Variants in CHST1 observed in about 807,000 individuals in gnomAD.
CHST1 encodes the protein carbohydrate sulfotransferase 1.
A neutral mutation model predicts 22.5 loss-of-function variants in CHST1; 10 were observed. That is an observed-to-expected ratio of 0.44 (90% CI 0.27 to 0.75). The LOEUF is 0.75. Among genes scored for constraint, CHST1 ranks in the 30% least tolerant of loss-of-function variants. CHST1 has a pLI of 0.15. For missense variants in CHST1, 439 were observed against 576.1 expected (o/e 0.76, Z 2.44); for synonymous variants, 267 against 264.5 (o/e 1.01, Z -0.09).
Position 45,649,856 on chromosome 11 carries a change from C to T in CHST1, c.1068G>A (p.Thr356=), listed in dbSNP as rs757168138. The T allele has an allele frequency of 7.4e-6, 12 of 1,610,910 alleles. No homozygotes were observed. In the Admixed American group the frequency reaches 8.3e-5, roughly 11 times the overall value. The change falls in exon 4 of 4, where the codon ACG becomes ACA. Residue 356 remains threonine (T), a synonymous_variant. Coordinates refer to ENST00000308064, the MANE Select transcript of CHST1 (RefSeq NM_003654.6). The part of the protein sequence containing the change: ...KYGTVRNSAA[T]AEKWRFRLSY... ...AGAGGCGGAAGCGCCACTTCTCGGC[C>T]GTGGCCGCCGAGTTTCGCACGGTGC... is the stretch of plus-strand genomic sequence containing the variant.
At chr11:45,658,044 T>C (rs756132384) in intron 1 of CHST1, among the ~76,000 whole-genome samples, 3 of 152,146 alleles carry the variant, frequency 2.0e-5, no homozygotes, top group African/African-American at 4.8e-5. Flanking sequence ...CACTCCAATG[T>C]CCACATGATA....
Position 45,650,059 on chromosome 11 carries a change from G to T in CHST1, c.865C>A (p.Arg289=). The T allele has an allele frequency of 6.2e-7, 1 of 1,614,090 alleles. No individual in the cohort carries two copies. Among genetic ancestry groups the T allele is most frequent in the South Asian group, 1.1e-5 (1 of 91,082 alleles). ...TACTTGCCCTTGAGCCACGGGGGCC[G>T]CATGAGGCCGGTGGACACGGAGTTG... The part of the protein sequence containing the change: ...FSNSVSTGLM[R]PPWLKGKYML... The change falls in exon 4 of 4, where the codon CGG becomes AGG. Residue 289 remains arginine (R), a synonymous_variant. Transcript: ENST00000308064.
chr11:45,650,180 G>T lies in CHST1; in HGVS notation c.744C>A (p.Arg248=). 1 of 1,612,898 alleles carries T rather than the reference G, an allele frequency of 6.2e-7. No homozygotes were observed. The highest frequency in any genetic ancestry group is 8.5e-7 in the Non-Finnish European group (1 of 1,180,016). The change falls in exon 4 of 4, where the codon CGC becomes CGA. Residue 248 remains arginine (R), a synonymous_variant. Transcript: ENST00000308064. ...AGAGCCGCCAGAGCCGGTACGTGTC[G>T]CGGAAGGTCTCGCTGCGCGAAGCCA... ...GILASRSETF[R]DTYRLWRLWY...
In CHST1 at chr11:45,661,428, A is replaced by T. The variant is rs562565869; in HGVS notation, c.-227+3750T>A. 7.9e-5 allele frequency among the ~76,000 whole-genome samples: 12 copies of T among 152,356 alleles called. No homozygotes were observed. In the South Asian group the frequency reaches 2.5e-3, roughly 32 times the overall value. On this transcript the variant is annotated intron_variant, in intron 1 of 3. Coordinates refer to ENST00000308064, the MANE Select transcript of CHST1 (RefSeq NM_003654.6). Reference sequence around the variant, plus strand: ...TTGGAAGGTGTTGTGAACACCAATGAGGACAGCAAAACAGTCCAGAGAGAC... The same window carrying T: ...TTGGAAGGTGTTGTGAACACCAATGTGGACAGCAAAACAGTCCAGAGAGAC...
chr11:45,654,746 T>C (rs917070348), intron 1 of CHST1, among the ~76,000 whole-genome samples: 1 of 152,230 alleles, frequency 6.6e-6, no homozygotes, highest in East Asian at 1.9e-4. Flanking sequence ...CGATCTATCA[T>C]TTCTGTTAGA....
At chr11:45,664,655 G>C (rs935318072) in intron 1 of CHST1, among the ~76,000 whole-genome samples, 6 of 152,232 alleles carry the variant, frequency 3.9e-5, no homozygotes, top group Non-Finnish European at 8.8e-5. Context: ...TGCACCATCC[G>C]GCGGCTCCGG....
intron 1 of CHST1, among the ~76,000 whole-genome samples, chr11:45,653,331 AC>A (rs1852021628): frequency 6.6e-6 from 1 of 152,194 alleles, no homozygotes; most frequent in South Asian, 2.1e-4. Context: ...AGGAATCAGT[AC>A]CAGATCACCA....
chr11:45,649,483 G>C lies in CHST1; in HGVS notation c.*205C>G. On this transcript the variant is annotated 3_prime_UTR_variant, in exon 4 of 4. Transcript: ENST00000308064. ...GGGGGGGCGGGACCCTACTTCAGGC[G>C]CCCTCTGCCCCAGTGATTCCCGTCC... The C allele has an allele frequency of 1.8e-6, 1 of 566,460 alleles. No homozygotes were observed. Among genetic ancestry groups the C allele is most frequent in the Non-Finnish European group, 3.0e-6 (1 of 328,162 alleles). The allele number at this position is 566,460 out of a possible 1,614,324, so 35.1% of individuals were successfully genotyped here.
Position 45,648,508 on chromosome 11 carries a change from C to T in CHST1, c.*1180G>A, listed in dbSNP as rs1028655064. On this transcript the variant is annotated 3_prime_UTR_variant, in exon 4 of 4. Coordinates refer to ENST00000308064, the MANE Select transcript of CHST1 (RefSeq NM_003654.6). ...GACCAGCCTGGACAACACGGTGAAA[C>T]CCCGTCTCTACTAAAATCCAAAAAA... Among the ~76,000 whole-genome samples the T allele has an allele frequency of 5.3e-5, 8 of 150,900 alleles. No homozygotes were observed. The highest frequency in any genetic ancestry group is 3.9e-4 in the Admixed American group (6 of 15,190).
chr11:45,655,489 A>G (rs1473938328), intron 1 of CHST1, among the ~76,000 whole-genome samples: 1 of 152,204 alleles, frequency 6.6e-6, no homozygotes, highest in Non-Finnish European at 1.5e-5. Flanking sequence ...TGCTGTATTC[A>G]GAATTCTGGG....
rs1590686016 is a variant in CHST1 at position 45,649,451 on chromosome 11, G to T, written c.*237C>A. 5.0e-3 allele frequency: 2 copies of T among 404 alleles called. No individual in the cohort carries two copies. Among genetic ancestry groups the T allele is most frequent in the African/African-American group, 5.1e-3 (2 of 390 alleles). 0.0% of individuals were successfully genotyped at this position (404 alleles called of 1,614,324 possible). On this transcript the variant is annotated 3_prime_UTR_variant, in exon 4 of 4. Coordinates refer to ENST00000308064, the MANE Select transcript of CHST1 (RefSeq NM_003654.6). ...AGACCCAACATCCATGTGTCTGAAT[G>T]GGGGGGGGGGGGGCGGGACCCTACT...
intron 1 of CHST1, among the ~76,000 whole-genome samples, chr11:45,664,635 T>C (rs1424809459): frequency 2.0e-5 from 3 of 152,158 alleles, no homozygotes; most frequent in African/African-American, 7.2e-5. Context: ...CGGCTTTCCG[T>C]GGTGGGCTCT....
intron 1 of CHST1, among the ~76,000 whole-genome samples, chr11:45,653,912 A>C (rs755501584): frequency 1.3e-5 from 2 of 152,212 alleles, no homozygotes; most frequent in Admixed American, 1.3e-4. Context: ...ACAGATAAGG[A>C]AGCTGAGGCC....
chr11:45,650,770 TG>T lies in CHST1; in HGVS notation c.153del (p.Thr52ProfsTer66). ...TTGCGGGAGAGGTTGTAGGCGAAGGTGGGGCTCTCCTCGCACAGTCGCTCGG... is the reference window on the plus strand; with the variant it reads ...TTGCGGGAGAGGTTGTAGGCGAAGGTGGGCTCTCCTCGCACAGTCGCTCGG... ...GLAERLCEES[P>X]TFAYNLSRKT... is the part of the protein sequence containing the mutation. On this transcript the variant is annotated frameshift_variant, in exon 4 of 4. Coordinates refer to ENST00000308064, the MANE Select transcript of CHST1 (RefSeq NM_003654.6). LOFTEE classifies it high-confidence loss of function. The T allele has an allele frequency of 6.2e-7, 1 of 1,614,002 alleles. No homozygotes were observed. The highest frequency in any genetic ancestry group is 8.5e-7 in the Non-Finnish European group (1 of 1,179,956).
At chr11:45,653,453 T>C (rs1303349063) in intron 1 of CHST1, among the ~76,000 whole-genome samples, 12 of 152,138 alleles carry the variant, frequency 7.9e-5, no homozygotes, top group East Asian at 3.9e-4. Context: ...CCTCATCCCA[T>C]AGTGGCAGAG....
At chr11:45,658,488 C>T (rs967784969) in intron 1 of CHST1, among the ~76,000 whole-genome samples, 1 of 152,188 alleles carries the variant, frequency 6.6e-6, no homozygotes, top group African/African-American at 2.4e-5. Context: ...GGTTGGAGAC[C>T]CTGACTGTTG....
rs1191812832 is a variant in CHST1, at chr11:45,665,256, G to C, written c.-305C>G. The C allele has an allele frequency of 6.6e-6, 1 of 152,030 alleles. No homozygotes were observed. Among genetic ancestry groups the C allele is most frequent in the Non-Finnish European group, 1.5e-5 (1 of 68,092 alleles). 9.4% of individuals were successfully genotyped at this position (152,030 alleles called of 1,614,324 possible). A position where few individuals can be genotyped will look rare whatever the true frequency, so the allele number is the denominator to read the frequency against. ...CGGGTCTGGAGTCAGGGTCGCCGGGGACCCGCGGGTGGCGGCGGCGGCAGC... is the reference window on the plus strand; with the variant it reads ...CGGGTCTGGAGTCAGGGTCGCCGGGCACCCGCGGGTGGCGGCGGCGGCAGC... On this transcript the variant is annotated 5_prime_UTR_variant, in exon 1 of 4. Transcript: ENST00000308064. The surrounding 1 kb of genome is among the most constrained non-coding windows in gnomAD (Gnocchi z 4.0).
chr11:45,659,190 G>A (rs1255367618), intron 1 of CHST1, among the ~76,000 whole-genome samples: 1 of 152,194 alleles, frequency 6.6e-6, no homozygotes, highest in East Asian at 1.9e-4. Context: ...CAGACGAGGA[G>A]CAGCGAGGCT....
chr11:45,655,469 C>T (rs535829887), intron 1 of CHST1, among the ~76,000 whole-genome samples: 3 of 152,326 alleles, frequency 2.0e-5, no homozygotes, highest in Non-Finnish European at 4.4e-5. Flanking sequence ...CCTCGTAGTC[C>T]CGTCATCGCT....
Sources: gnomAD v4.1 joint callset for allele counts (sites outside exome capture counted in the v4.1 genomes callset) on GRCh38, gnomAD v4.1.1 for gene constraint, Gnocchi (gnomAD v3.1) non-coding constraint, MANE v1.5 for transcripts, NCBI Gene and HGNC (gene_info 2026-07-23, HGNC 2026-07-21) for gene names.